The following PBK variants were observed in gnomAD, a reference collection of about 807,000 sequenced individuals.
The protein encoded by PBK is PDZ binding kinase.
A neutral mutation model predicts 33.5 loss-of-function variants in PBK; 22 were observed. That is an observed-to-expected ratio of 0.66 (90% CI 0.47 to 0.94). The LOEUF (loss-of-function observed/expected upper bound fraction) is 0.94, where lower values mean the gene tolerates loss of function less well. Among genes scored for constraint, PBK ranks in the 40% least tolerant of loss-of-function variants. The pLI, the probability that PBK is intolerant of heterozygous loss-of-function variation, is 0.00. For missense variants in PBK, 376 were observed against 383.4 expected (o/e 0.98, Z 0.16); for synonymous variants, 129 against 123.8 (o/e 1.04, Z -0.28).
intron 1 of PBK, 75 bp from the exon 2 acceptor site, chr8:27,833,208 A>G (rs1585436686): frequency 1.3e-6 from 1 of 768,710 alleles, no homozygotes; most frequent in South Asian, 1.8e-5. Context: ...AAAAATGCCA[A>G]TAGCCAGGCG....
chr8:27,817,430 T>C, intron 6 of PBK, among the ~76,000 whole-genome samples: 1 of 152,216 alleles, frequency 6.6e-6, no homozygotes, highest in East Asian at 1.9e-4. Flanking sequence ...GCATTTAAAA[T>C]AAGAAAAATA....
rs74313581 is a variant in PBK at position 27,821,825 on chromosome 8, G to GT, written c.465+493dup. Among the ~76,000 whole-genome samples the GT allele has an allele frequency of 4.8e-3, 724 of 152,296 alleles. 18 individuals carry two copies. In the East Asian group the frequency reaches 0.091, roughly 19 times the overall value. On this transcript the variant is annotated intron_variant, in intron 5 of 7. Transcript: ENST00000301905. ...TAGGGCCACATGTACGTATAAGGAT[G>GT]TTTTGGTCAATGATGGACAACATAT... is the stretch of plus-strand genomic sequence containing the variant.
chr8:27,834,820 T>C (rs1390223474), intron 1 of PBK, among the ~76,000 whole-genome samples: 1 of 151,434 alleles, frequency 6.6e-6, no homozygotes, highest in Non-Finnish European at 1.5e-5. Context: ...CGCTTGAACC[T>C]GGGAGGCGGA....
chr8:27,837,380 A>C (rs563840786), intron 1 of PBK, among the ~76,000 whole-genome samples: 29 of 152,288 alleles, frequency 1.9e-4, no homozygotes, highest in African/African-American at 7.0e-4. Flanking sequence ...GTAAAGGAGA[A>C]AAGAGAAACA....
intron 5 of PBK, among the ~76,000 whole-genome samples, chr8:27,821,598 G>A (rs992105717): frequency 5.1e-4 from 77 of 152,092 alleles, no homozygotes; most frequent in African/African-American, 1.4e-3. Flanking sequence ...TATATATACC[G>A]ACAGCTTATA....
chr8:27,833,680 G>C (rs1806174398), intron 1 of PBK, among the ~76,000 whole-genome samples: 1 of 150,722 alleles, frequency 6.6e-6, no homozygotes, highest in African/African-American at 2.4e-5. Flanking sequence ...GGGTATTTTT[G>C]TTTTCATTAT....
intron 5 of PBK, 65 bp downstream of exon 5, chr8:27,822,254 G>T: frequency 8.4e-7 from 1 of 1,189,924 alleles, no homozygotes; most frequent in Non-Finnish European, 1.2e-6. Flanking sequence ...CCTGCAAAGT[G>T]ATTATTTGTT....
At chr8:27,816,843 C>T (rs532965895) in intron 6 of PBK, among the ~76,000 whole-genome samples, 4 of 151,450 alleles carry the variant, frequency 2.6e-5, no homozygotes, top group African/African-American at 7.3e-5. Context: ...AAATATAAAC[C>T]CGTATAATTT....
Position 27,811,007 on chromosome 8 carries a change from C to G in PBK, c.723G>C (p.Met241Ile). The change falls in exon 7 of 8, where the codon ATG (methionine) becomes ATC (isoleucine). Residue 241 changes from methionine (M) to isoleucine (I), a missense_variant. By Grantham distance (10) the Met-to-Ile change is conservative (BLOSUM62 1). Transcript: ENST00000301905. Reference sequence around the variant, plus strand: ...GATTAATGTGTGGAATCGATAAAGTCATCATTTCCCACAAAGTAAGGCCAA... The same window carrying G: ...GATTAATGTGTGGAATCGATAAAGTGATCATTTCCCACAAAGTAAGGCCAA... Reference protein sequence around the residue: ...FAFGLTLWEMMTLSIPHINLS... With the variant: ...FAFGLTLWEMITLSIPHINLS... 1 of 1,612,022 alleles carries G rather than the reference C, an allele frequency of 6.2e-7. No homozygotes were observed. Among genetic ancestry groups the G allele is most frequent in the Non-Finnish European group, 8.5e-7 (1 of 1,178,198 alleles).
At chr8:27,817,097 A>T (rs1188948760) in intron 6 of PBK, among the ~76,000 whole-genome samples, 1 of 152,164 alleles carries the variant, frequency 6.6e-6, no homozygotes, top group Non-Finnish European at 1.5e-5. Flanking sequence ...TAGTAGCTTT[A>T]AGAATTGCTA....
At chr8:27,822,587 G>A (rs896258381) in intron 4 of PBK, 99 bp from the exon 5 acceptor site, 18 of 719,178 alleles carry the variant, frequency 2.5e-5, no homozygotes, top group South Asian at 1.3e-4. Context: ...CTGGACTAAC[G>A]CTGACAAATA....
At chr8:27,811,409 C>G (rs975472484) in intron 6 of PBK, 40 of 538,870 alleles carry the variant, frequency 7.4e-5, no homozygotes, top group African/African-American at 6.9e-4. Context: ...AGATTACAGA[C>G]TCTGGAGCCA....
chr8:27,830,804 C>T (rs541025523), intron 2 of PBK, among the ~76,000 whole-genome samples: 6 of 152,066 alleles, frequency 3.9e-5, no homozygotes, highest in African/African-American at 9.7e-5. Flanking sequence ...CGGATAAAAA[C>T]AAGACGAGAC....
chr8:27,815,727 G>A (rs2128962036), intron 6 of PBK, among the ~76,000 whole-genome samples: 1 of 152,242 alleles, frequency 6.6e-6, no homozygotes, highest in Admixed American at 6.5e-5. Flanking sequence ...TTTGAGACTC[G>A]AACCACAAGT....
At position 27,837,806 on chromosome 8, in the gene PBK, C is replaced by T. The variant is rs534326554; in HGVS notation, c.-175G>A. 3.9e-5 allele frequency: 6 copies of T among 152,368 alleles called. No individual in the cohort carries two copies. The highest frequency in any genetic ancestry group is 2.1e-4 in the South Asian group (1 of 4,832). The allele number at this position is 152,368 out of a possible 1,614,324, so 9.4% of individuals were successfully genotyped here. Reference sequence around the variant, plus strand: ...GGCAGCTGCCGTTGCAATTCGAACCCTCCTGGCTTTCAAAAAGTCGCGCGC... The same window carrying T: ...GGCAGCTGCCGTTGCAATTCGAACCTTCCTGGCTTTCAAAAAGTCGCGCGC... On this transcript the variant is annotated 5_prime_UTR_variant, in exon 1 of 8. Coordinates refer to ENST00000301905, the MANE Select transcript of PBK (RefSeq NM_018492.4).
At chr8:27,811,221 A>T in intron 6 of PBK, 87 bp from the exon 7 acceptor site, 2 of 1,111,590 alleles carry the variant, frequency 1.8e-6, no homozygotes, top group Non-Finnish European at 1.4e-6. Flanking sequence ...AACGATTTGA[A>T]CAAGTAGTTC....
intron 3 of PBK, 110 bp downstream of exon 3, chr8:27,827,995 G>A: frequency 3.4e-6 from 2 of 590,590 alleles, no homozygotes; most frequent in Non-Finnish European, 6.1e-6. Context: ...CCAGGATCAG[G>A]AGCAGACAAC....
chr8:27,832,004 A>G (rs907026192), intron 2 of PBK, among the ~76,000 whole-genome samples: 8 of 152,312 alleles, frequency 5.3e-5, no homozygotes, highest in Middle Eastern at 3.4e-3. Context: ...AACATTTCTC[A>G]TCTTTATGAA....
rs889775330 is a variant in PBK at position 27,810,101 on chromosome 8, C to G, written c.*204G>C. On this transcript the variant is annotated 3_prime_UTR_variant, in exon 8 of 8. Transcript: ENST00000301905. ...GTACTTATGTAGCTAGTTTCTAAAA[C>G]TTTACAGAAAACCCAGTACAATTCC... 1.9e-6 allele frequency: 1 copy of G among 522,422 alleles called. No individual in the cohort carries two copies. The highest frequency in any genetic ancestry group is 3.3e-6 in the Non-Finnish European group (1 of 300,386). The allele number at this position is 522,422 out of a possible 1,614,324, so 32.4% of individuals were successfully genotyped here.
Sources: allele counts gnomAD v4.1 joint callset (sites outside exome capture counted in the v4.1 genomes callset), GRCh38; gene constraint gnomAD v4.1.1; transcripts MANE v1.5; gene names NCBI Gene and HGNC (gene_info 2026-07-23, HGNC 2026-07-21).